Variants in PCLO observed in about 807,000 individuals in gnomAD.
The protein encoded by PCLO is piccolo presynaptic cytomatrix protein.
PCLO carries 82 observed loss-of-function variants against 427.5 expected under a neutral mutation model. The observed-to-expected ratio is 0.19, with a 90% CI of 0.16 to 0.23. The LOEUF (loss-of-function observed/expected upper bound fraction) is 0.23. Ranked by LOEUF, PCLO falls within the 10% of genes least tolerant of loss-of-function variation. PCLO has a pLI of 1.00. For synonymous variants in PCLO, 2,357 were observed against 2,155.4 expected (o/e 1.09, Z -2.59); for missense variants, 6,239 against 6,115.9 (o/e 1.02, Z -0.67).
intron 6 of PCLO, among the ~76,000 whole-genome samples, chr7:82,945,165 G>A (rs1050176565): frequency 3.9e-5 from 6 of 151,984 alleles, no homozygotes; most frequent in African/African-American, 1.2e-4. Flanking sequence ...GGAAACAGGC[G>A]GTAATGTTTT....
chr7:83,142,168 C>T (rs7783351), intron 2 of PCLO, among the ~76,000 whole-genome samples: 15,283 of 151,984 alleles, frequency 0.1, 875 homozygotes, highest in South Asian at 0.16. Context: ...ATTACATAGC[C>T]GTAGTACTTG....
intron 22 of PCLO, among the ~76,000 whole-genome samples, chr7:82,793,147 G>A (rs1008455710): frequency 3.9e-5 from 6 of 152,004 alleles, no homozygotes; most frequent in Non-Finnish European, 8.8e-5. Flanking sequence ...TCTCCTGCAT[G>A]AGCACCCCAT....
intron 3 of PCLO, among the ~76,000 whole-genome samples, chr7:83,012,621 GAAAAAAAAA>G (rs537818971): frequency 1.3e-4 from 9 of 66,738 alleles, no homozygotes; most frequent in Non-Finnish European, 1.6e-4. Flanking sequence ...CTGTCTCAAG[GAAAAAAAAA>G]AAAAAAAAAA....
intron 22 of PCLO, among the ~76,000 whole-genome samples, chr7:82,764,246 G>C (rs1178723879): frequency 6.6e-6 from 1 of 151,834 alleles, no homozygotes; most frequent in Non-Finnish European, 1.5e-5. Context: ...AAACCAGGCA[G>C]TCAATGGTCA....
chr7:82,929,995 T>G (rs1794802461), intron 6 of PCLO, among the ~76,000 whole-genome samples: 3 of 152,160 alleles, frequency 2.0e-5, no homozygotes, highest in African/African-American at 7.2e-5. Context: ...TTTCAGAGCT[T>G]AGAAAAAGTA....
rs1397162700 is a variant in PCLO at position 82,951,316 on chromosome 7, G to A, written c.9272C>T (p.Ser3091Phe). The A allele has an allele frequency of 1.9e-6, 3 of 1,612,372 alleles. No individual in the cohort carries two copies. The Admixed American group carries it at 5.0e-5, about 27-fold the overall frequency. Residue 3091 changes from serine to phenylalanine, a missense_variant, in exon 6 of 25, where the codon TCT becomes TTT. Ser to Phe is a radical substitution (Grantham distance 155). Around this residue, in one of 5 missense-constraint regions of PCLO, gnomAD observed 4,677 missense variants for 4,468.4 expected, o/e 1.05. Coordinates refer to ENST00000333891, the MANE Select transcript of PCLO (RefSeq NM_033026.6). ...VLRSSNGVVY[S>F]SVATPTPSTF... Reference sequence around the variant, plus strand: ...AGAGGGTGTTGGAGTTGCTACTGAAGAATAGACAACACCATTAGATGACCT... The same window carrying A: ...AGAGGGTGTTGGAGTTGCTACTGAAAAATAGACAACACCATTAGATGACCT...
At chr7:82,817,327 G>A (rs1335708443) in intron 20 of PCLO, among the ~76,000 whole-genome samples, 1 of 152,154 alleles carries the variant, frequency 6.6e-6, no homozygotes, top group Non-Finnish European at 1.5e-5. Flanking sequence ...TGTTAAAGAA[G>A]ACTTCACCTC....
intron 10 of PCLO, among the ~76,000 whole-genome samples, chr7:82,850,060 G>A (rs985788206): frequency 1.2e-4 from 19 of 152,038 alleles, no homozygotes; most frequent in African/African-American, 4.6e-4. Flanking sequence ...CCAGGCTAGA[G>A]TGCAGTGGCA....
In PCLO at chr7:82,972,750, T is replaced by C. The variant is rs533435145; in HGVS notation, c.3301-6263A>G. Among the ~76,000 whole-genome samples, 10 of 152,194 alleles carry C rather than the reference T, an allele frequency of 6.6e-5. No individual in the cohort carries two copies. In the South Asian group the frequency reaches 2.1e-3, roughly 31 times the overall value. ...ATTACATCAAGTTCCCTGCCCACTA[T>C]GAAGCTTTTGACTCAACACAAATTT... On this transcript the variant is annotated intron_variant, in intron 3 of 24. Transcript: ENST00000333891.
intron 3 of PCLO, among the ~76,000 whole-genome samples, chr7:83,002,925 A>G (rs1787858549): frequency 6.6e-6 from 1 of 151,696 alleles, no homozygotes; most frequent in Non-Finnish European, 1.5e-5. Flanking sequence ...CCCTATTTAT[A>G]TTATAAAAAT....
chr7:82,834,879 G>A (rs887061704), intron 16 of PCLO, among the ~76,000 whole-genome samples: 1 of 151,970 alleles, frequency 6.6e-6, no homozygotes, highest in African/African-American at 2.4e-5. Flanking sequence ...TGGGGCAGAA[G>A]TTACAAAGGC....
chr7:82,954,148 T>C lies in PCLO; in HGVS notation c.6805A>G (p.Met2269Val), dbSNP rs201038294. 169 of 1,613,884 alleles carry C rather than the reference T, an allele frequency of 1.0e-4. No individual in the cohort carries two copies. In the African/African-American group the frequency reaches 1.8e-3, roughly 17 times the overall value. The part of the protein sequence containing the change: ...ADHIVISLSD[M>V]ASSIIESVVP... ...ACAGATTCTATGATAGAAGATGCCA[T>C]ATCAGATAAGGAAATAACAATATGA... The change falls in exon 5 of 25, where the codon ATG becomes GTG. Residue 2269 changes from methionine to valine, a missense_variant. Physicochemically the swap from Met to Val is conservative, Grantham distance 21. Transcript: ENST00000333891.
At position 83,134,413 on chromosome 7, in the gene PCLO, G is replaced by A; in HGVS notation, c.3137C>T (p.Pro1046Leu). ...TTTGGGCGATTTCTCCAGTTTTGTGGGAAGGACAGCCTTTTGAGGCTCAGC... is the reference window on the plus strand; with the variant it reads ...TTTGGGCGATTTCTCCAGTTTTGTGAGAAGGACAGCCTTTTGAGGCTCAGC... Reference protein sequence around the residue: ...LTAEPQKAVLPTKLEKSPKPE... With the variant: ...LTAEPQKAVLLTKLEKSPKPE... Residue 1046 changes from proline to leucine, a missense_variant, in exon 3 of 25, where the codon CCC becomes CTC. Transcript: ENST00000333891. 6.2e-7 allele frequency: 1 copy of A among 1,613,754 alleles called. No individual in the cohort carries two copies. The highest frequency in any genetic ancestry group is 8.5e-7 in the Non-Finnish European group (1 of 1,179,858).
intron 6 of PCLO, among the ~76,000 whole-genome samples, chr7:82,923,927 C>A (rs1358650524): frequency 6.6e-6 from 1 of 151,818 alleles, no homozygotes; most frequent in African/African-American, 2.4e-5. Flanking sequence ...TGGCTTGTAC[C>A]CACTAGATAC....
chr7:82,825,543 T>G (rs1018646030), intron 18 of PCLO, among the ~76,000 whole-genome samples: 1 of 151,432 alleles, frequency 6.6e-6, no homozygotes, highest in Non-Finnish European at 1.5e-5. Flanking sequence ...AGGTTTTGGA[T>G]TTTTTGGAGA....
intron 4 of PCLO, among the ~76,000 whole-genome samples, chr7:82,961,133 G>T (rs981159855): frequency 6.6e-6 from 1 of 152,128 alleles, no homozygotes; most frequent in Non-Finnish European, 1.5e-5. Flanking sequence ...TAAATTAAGA[G>T]TATTGTTTTG....
At position 82,847,086 on chromosome 7, in the gene PCLO, A is replaced by G. The variant is rs866775929; in HGVS notation, c.13763+53T>C. 2.0e-5 allele frequency: 18 copies of G among 905,470 alleles called. No homozygotes were observed. In the Middle Eastern group the frequency reaches 2.2e-3, roughly 112 times the overall value. The allele number at this position is 905,470 out of a possible 1,614,324, so 56.1% of individuals were successfully genotyped here. ...GTTCCACCTTAACAATTTTAAATTA[A>G]AAGAGTCATGGATAGCCAAAAAATG... On this transcript the variant is annotated intron_variant, in intron 11 of 24. Transcript: ENST00000333891.
chr7:83,081,066 G>C (rs1004089483), intron 3 of PCLO, among the ~76,000 whole-genome samples: 1 of 152,050 alleles, frequency 6.6e-6, no homozygotes, highest in African/African-American at 2.4e-5. Flanking sequence ...TAAAACCACT[G>C]ATAAGGGGTG....
At chr7:82,855,855 G>A (rs772622667) in intron 10 of PCLO, among the ~76,000 whole-genome samples, 48 of 151,596 alleles carry the variant, frequency 3.2e-4, no homozygotes, top group Non-Finnish European at 5.9e-5. Context: ...AATGGTGGTT[G>A]GAGGTTCCAA....
Sources: allele counts gnomAD v4.1 joint callset (sites outside exome capture counted in the v4.1 genomes callset), GRCh38; gene constraint gnomAD v4.1.1; regional missense constraint gnomAD v4.1.1; transcripts MANE v1.5; gene names NCBI Gene and HGNC (gene_info 2026-07-23, HGNC 2026-07-21).